The following POLQ variants were observed in gnomAD, a reference collection of about 807,000 sequenced individuals.
POLQ encodes epididymis secretory sperm binding protein.
POLQ carries 233 observed loss-of-function variants against 259.2 expected under a neutral mutation model. That is an observed-to-expected ratio of 0.90 (90% CI 0.81 to 1.00). The LOEUF (loss-of-function observed/expected upper bound fraction) is 1.00, where lower values mean the gene tolerates loss of function less well. Among genes scored for constraint, POLQ ranks in the 50% least tolerant of loss-of-function variants. The probability of loss-of-function intolerance (pLI) is 0.00; values close to 1 mark genes in which losing one functional copy is unlikely to be tolerated. For missense variants in POLQ, 2,871 were observed against 3,051.6 expected (o/e 0.94, Z 1.39); for synonymous variants, 1,025 against 1,048.8 (o/e 0.98, Z 0.44).
chr3:121,514,324 G>T (rs115299357), intron 9 of POLQ, among the ~76,000 whole-genome samples: 3,762 of 126,980 alleles, frequency 0.03, 66 homozygotes, highest in South Asian at 0.07. Context: ...GTAAAATTCC[G>T]TGTATTAAAA....
Position 121,436,268 on chromosome 3 carries a change from C to A in POLQ, c.7397G>T (p.Arg2466Leu), listed in dbSNP as rs367989768. The A allele has an allele frequency of 6.2e-7, 1 of 1,613,622 alleles. No homozygotes were observed. The highest frequency in any genetic ancestry group is 8.5e-7 in the Non-Finnish European group (1 of 1,179,690). ...TTGGACTATTGTGTTGATAGCTTGA[C>A]GCTCAGCCTAGAAAAAACAATCAAC... ...NNPYRKAHAE[R>L]QAINTIVQGS... The change falls in exon 28 of 30, where the codon CGT becomes CTT. Residue 2466 changes from arginine to leucine, a missense_variant. Physicochemically the swap from Arg to Leu is moderately radical, Grantham distance 102. Transcript: ENST00000264233.
In POLQ at chr3:121,509,567, G is replaced by C. The variant is rs2048236113; in HGVS notation, c.1953C>G (p.Leu651=). ...GFVLENDLHI[L]YLVTPMFEDW... ...TTGTTAAAACAGAACTTACCAGATAGAGAATATGAAGATCATTCTCTAAAA... is the reference window on the plus strand; with the variant it reads ...TTGTTAAAACAGAACTTACCAGATACAGAATATGAAGATCATTCTCTAAAA... Residue 651 remains leucine, a synonymous_variant, in exon 12 of 30, where the codon CTC becomes CTG. Transcript: ENST00000264233. 1.2e-6 allele frequency: 2 copies of C among 1,609,870 alleles called. No homozygotes were observed. The highest frequency in any genetic ancestry group is 1.1e-5 in the South Asian group (1 of 89,980).
Position 121,520,084 on chromosome 3 carries a change from C to T in POLQ, c.1256-1G>A, listed in dbSNP as rs755791564. 1.3e-6 allele frequency: 2 copies of T among 1,586,156 alleles called. No individual in the cohort carries two copies. Among genetic ancestry groups the T allele is most frequent in the Admixed American group, 3.4e-5 (2 of 58,944 alleles). On this transcript the variant is annotated splice_acceptor_variant, in intron 8 of 29. Transcript: ENST00000264233. LOFTEE classifies it high-confidence loss of function. ...ATATCCCTCTCCTCAAAAGTAAGAC[C>T]TAAAAAAAGGAGGTTTTTATATATT... is the stretch of plus-strand genomic sequence containing the variant.
chr3:121,468,684 G>A (rs2047859209), intron 22 of POLQ, among the ~76,000 whole-genome samples: 1 of 152,156 alleles, frequency 6.6e-6, no homozygotes, highest in African/African-American at 2.4e-5. Flanking sequence ...CGCACAATGA[G>A]AAGTAATTTG....
chr3:121,455,926 C>T (rs2047732542), intron 25 of POLQ, among the ~76,000 whole-genome samples: 2 of 137,566 alleles, frequency 1.5e-5, no homozygotes, highest in Admixed American at 1.5e-4. Context: ...GCAGAGACAA[C>T]CAAAAAAGAG....
intron 25 of POLQ, among the ~76,000 whole-genome samples, chr3:121,453,803 C>T (rs1229812848): frequency 6.6e-6 from 1 of 152,208 alleles, no homozygotes; most frequent in Non-Finnish European, 1.5e-5. Flanking sequence ...TTGGAAAACA[C>T]TCTGCAGGAT....
intron 10 of POLQ, 105 bp from the exon 11 acceptor site, chr3:121,510,348 C>T (rs181129404): frequency 4.9e-5 from 35 of 720,278 alleles, no homozygotes; most frequent in Non-Finnish European, 7.6e-5. Context: ...GAGTCCGAGG[C>T]GGGCGGATCA....
intron 26 of POLQ, among the ~76,000 whole-genome samples, chr3:121,440,317 A>G (rs1472769753): frequency 1.3e-5 from 2 of 152,170 alleles, no homozygotes; most frequent in Non-Finnish European, 2.9e-5. Flanking sequence ...TAGAAATGAA[A>G]TACTCTAACT....
intron 9 of POLQ, among the ~76,000 whole-genome samples, chr3:121,519,359 G>GATATATATATATATAT (rs58512042): frequency 1.5e-4 from 21 of 136,690 alleles, no homozygotes; most frequent in African/African-American, 5.6e-4. Context: ...AACAGTTGAT[G>GATATATATATATATAT]ATATATATAT....
chr3:121,436,095 C>T (rs529617022), intron 28 of POLQ, 27 bp downstream of exon 28: 12 of 1,551,128 alleles, frequency 7.7e-6, no homozygotes, highest in African/African-American at 4.1e-5. Context: ...CATCATGTTA[C>T]AGCACAGGCC....
chr3:121,479,909 A>C (rs2108793756), intron 19 of POLQ, among the ~76,000 whole-genome samples: 1 of 152,300 alleles, frequency 6.6e-6, no homozygotes, highest in African/African-American at 2.4e-5. Flanking sequence ...AGGAAATACA[A>C]AACAAAAGTA....
At chr3:121,535,809 T>G (rs768667763) in intron 5 of POLQ, among the ~76,000 whole-genome samples, 1 of 151,552 alleles carries the variant, frequency 6.6e-6, no homozygotes, top group African/African-American at 2.4e-5. Context: ...TGAAATAAAG[T>G]AGAAGTTCCT....
chr3:121,544,159 C>G (rs1270003120), intron 2 of POLQ, among the ~76,000 whole-genome samples: 2 of 152,022 alleles, frequency 1.3e-5, no homozygotes, highest in African/African-American at 4.8e-5. Context: ...CAAGACCAGT[C>G]TGGCCAACAC....
At chr3:121,447,062 A>AT (rs34578610) in intron 26 of POLQ, among the ~76,000 whole-genome samples, 88,733 of 148,206 alleles carry the variant, frequency 0.6, 27,199 homozygotes, top group East Asian at 0.89. Context: ...AATAAAGGTG[A>AT]TTTTTTCTGG....
intron 25 of POLQ, among the ~76,000 whole-genome samples, chr3:121,456,288 C>T (rs2047736580): frequency 6.6e-6 from 1 of 151,956 alleles, no homozygotes; most frequent in Non-Finnish European, 1.5e-5. Context: ...ACTGAACGGG[C>T]AAAAACTGGA....
In POLQ at chr3:121,488,456, TC is replaced by T. The variant is rs750949822; in HGVS notation, c.4474del (p.Asp1492IlefsTer8). On this transcript the variant is annotated frameshift_variant, in exon 16 of 30. Coordinates refer to ENST00000264233, the MANE Select transcript of POLQ (RefSeq NM_199420.4). LOFTEE classifies it high-confidence loss of function. ...SLNMSDSLLFDSFSDDYLVKE... is the reference protein window; with the variant it reads ...SLNMSDSLLFXSFSDDYLVKE... The stretch of plus-strand genomic sequence containing the variant: ...TACTAGATAGTCATCACTGAAGCTA[TC>T]AAATAGTAAACTATCACTCATATTC... The T allele has an allele frequency of 4.3e-6, 7 of 1,610,234 alleles. No homozygotes were observed. The highest frequency in any genetic ancestry group is 8.5e-7 in the Non-Finnish European group (1 of 1,178,592).
Position 121,505,846 on chromosome 3 carries a change from TAA to T in POLQ, c.1959+3713_1959+3714del, listed in dbSNP as rs35298276. Among the ~76,000 whole-genome samples the T allele has an allele frequency of 5.6e-3, 710 of 126,206 alleles. 27 individuals are homozygous for T. The South Asian group carries it at 0.1, about 19-fold the overall frequency. The allele number at this position is 126,206 out of a possible 152,430, so 82.8% of individuals were successfully genotyped here. ...CAATATGGAGAAACCCCATCTCTAC[TAA>T]AAAAAAAAAAAAAAAAATACAAAAT... On this transcript the variant is annotated intron_variant, in intron 12 of 29. Coordinates refer to ENST00000264233, the MANE Select transcript of POLQ (RefSeq NM_199420.4).
intron 14 of POLQ, chr3:121,493,985 C>A: frequency 1.7e-6 from 1 of 600,028 alleles, no homozygotes; most frequent in South Asian, 2.1e-5. Flanking sequence ...AAAACTGAGG[C>A]AGAGCACATA....
rs762786939 is a variant in POLQ at position 121,460,190 on chromosome 3, T to C, written c.7012A>G (p.Ile2338Val). The change falls in exon 25 of 30, where the codon ATC becomes GTC. Residue 2338 changes from isoleucine to valine, a missense_variant. Physicochemically the swap from Ile to Val is conservative, Grantham distance 29 (BLOSUM62 3). Coordinates refer to ENST00000264233, the MANE Select transcript of POLQ (RefSeq NM_199420.4). ...AADYSQLELR[I>V]LAHLSHDRRL... is the part of the protein sequence containing the mutation. ...CGATCATGGGATAAATGAGCCAAGA[T>C]CCTCAGTTCAAGCTGAGAGTAGTCA... 1.2e-6 allele frequency: 2 copies of C among 1,613,700 alleles called. No homozygotes were observed. The highest frequency in any genetic ancestry group is 1.7e-6 in the Non-Finnish European group (2 of 1,179,646).
Sources: gnomAD v4.1 joint callset for allele counts (sites outside exome capture counted in the v4.1 genomes callset) on GRCh38, gnomAD v4.1.1 for gene constraint, MANE v1.5 for transcripts, NCBI Gene and HGNC (gene_info 2026-07-23, HGNC 2026-07-21) for gene names.